Variants in PCDHGB2 observed in about 807,000 individuals in gnomAD.
The protein encoded by PCDHGB2 is protocadherin gamma subfamily B, 2.
PCDHGB2 carries 55 observed loss-of-function variants against 59.3 expected under a neutral mutation model. The ratio of observed to expected loss-of-function variants is 0.93; its 90% CI spans 0.75 to 1.16. PCDHGB2 has a LOEUF of 1.16. Ranked by LOEUF, PCDHGB2 falls within the 50% of genes most tolerant of loss-of-function variation. The probability of loss-of-function intolerance (pLI) is 0.00; values close to 1 mark genes in which losing one functional copy is unlikely to be tolerated. For synonymous variants in PCDHGB2, 516 were observed against 512.0 expected (o/e 1.01, Z -0.11); for missense variants, 1,228 against 1,198.5 (o/e 1.02, Z -0.36).
chr5:141,506,834 C>T (rs2099856597), intron 3 of PCDHGB2, among the ~76,000 whole-genome samples: 1 of 152,140 alleles, frequency 6.6e-6, no homozygotes, highest in Non-Finnish European at 1.5e-5. Flanking sequence ...ACTGATAGCC[C>T]TGCCCTCCAG....
chr5:141,421,736 G>A lies in PCDHGB2; in HGVS notation c.2421+59180G>A, dbSNP rs767237323. 5.3e-5 allele frequency: 86 copies of A among 1,613,810 alleles called. No individual in the cohort carries two copies. The highest frequency in any genetic ancestry group is 6.9e-5 in the Non-Finnish European group (82 of 1,179,858). Reference sequence around the variant, plus strand: ...GATGTGGGCGTGAACTCCCTCCAGAGCTACCAGCTCAGCCCTAATAATTAC... The same window carrying A: ...GATGTGGGCGTGAACTCCCTCCAGAACTACCAGCTCAGCCCTAATAATTAC... On this transcript the variant is annotated intron_variant, in intron 1 of 3. Transcript: ENST00000522605.
intron 1 of PCDHGB2, among the ~76,000 whole-genome samples, chr5:141,459,619 A>G (rs995987344): frequency 6.6e-6 from 1 of 152,238 alleles, no homozygotes; most frequent in Non-Finnish European, 1.5e-5. Context: ...TTAACTTTAT[A>G]AGAAGCTGCC....
At chr5:141,414,305 A>G (rs2095732833) in intron 1 of PCDHGB2, 2 of 1,613,604 alleles carry the variant, frequency 1.2e-6, no homozygotes, top group African/African-American at 2.7e-5. Flanking sequence ...AATGTGCATG[A>G]TTTAGACTCT....
chr5:141,422,158 G>GA (rs1401712595), intron 1 of PCDHGB2: 2 of 1,571,916 alleles, frequency 1.3e-6, no homozygotes, highest in Middle Eastern at 1.7e-4. Flanking sequence ...TCTGGATTTT[G>GA]AAAAATATAG....
At chr5:141,501,755 G>C (rs2099810889) in intron 2 of PCDHGB2, among the ~76,000 whole-genome samples, 1 of 152,116 alleles carries the variant, frequency 6.6e-6, no homozygotes, top group Non-Finnish European at 1.5e-5. Context: ...GAAGCTCTCA[G>C]TAAATGGTTA....
intron 1 of PCDHGB2, among the ~76,000 whole-genome samples, chr5:141,445,937 A>C (rs2098482193): frequency 6.6e-6 from 1 of 152,202 alleles, no homozygotes; most frequent in African/African-American, 2.4e-5. Flanking sequence ...TGAATTATTA[A>C]GCTTACTCTG....
intron 1 of PCDHGB2, among the ~76,000 whole-genome samples, chr5:141,429,712 C>T (rs998121271): frequency 1.3e-5 from 2 of 151,994 alleles, no homozygotes; most frequent in African/African-American, 2.4e-5. Flanking sequence ...TAAATATTTA[C>T]GCTCATGAAA....
At chr5:141,468,415 G>A (rs1040067190) in intron 1 of PCDHGB2, 5 of 151,704 alleles carry the variant, frequency 3.3e-5, no homozygotes, top group Non-Finnish European at 7.4e-5. Context: ...TAATAAGTTA[G>A]ATAGCAAGGT....
chr5:141,383,433 C>T, intron 1 of PCDHGB2: 1 of 1,613,986 alleles, frequency 6.2e-7, no homozygotes, highest in East Asian at 2.2e-5. Context: ...ATCGCCACTT[C>T]TCCCTGGCTG....
At chr5:141,421,355 G>A in intron 1 of PCDHGB2, 1 of 1,613,990 alleles carries the variant, frequency 6.2e-7, no homozygotes, top group East Asian at 2.2e-5. Flanking sequence ...ACCGAAAAGG[G>A]CTCCTTCGTG....
intron 1 of PCDHGB2, chr5:141,391,513 C>T (rs1485140932): frequency 6.6e-6 from 1 of 152,096 alleles, no homozygotes; most frequent in Non-Finnish European, 1.5e-5. Flanking sequence ...TATTTTCTTT[C>T]ACTAATTTAA....
chr5:141,392,713 G>A, intron 1 of PCDHGB2: 3 of 1,363,444 alleles, frequency 2.2e-6, no homozygotes, highest in Non-Finnish European at 2.9e-6. Context: ...AGGCACTCCA[G>A]GTTTCCGGAG....
At chr5:141,415,859 T>C in intron 1 of PCDHGB2, 1 of 1,187,664 alleles carries the variant, frequency 8.4e-7, no homozygotes, top group Non-Finnish European at 1.1e-6. Context: ...CCTTGTAGTT[T>C]ATAGTGTTGT....
chr5:141,408,469 A>G (rs1454570616), intron 1 of PCDHGB2: 2 of 1,614,078 alleles, frequency 1.2e-6, no homozygotes, highest in South Asian at 2.2e-5. Flanking sequence ...TGAAGAACCG[A>G]ATAGACCGTG....
intron 1 of PCDHGB2, among the ~76,000 whole-genome samples, chr5:141,462,829 G>T (rs770335372): frequency 4.6e-5 from 7 of 152,130 alleles, no homozygotes; most frequent in Non-Finnish European, 8.8e-5. Flanking sequence ...AGCAGACATT[G>T]TAAATGTTAT....
At chr5:141,510,695 C>T (rs1023505006) in intron 3 of PCDHGB2, among the ~76,000 whole-genome samples, 1 of 152,166 alleles carries the variant, frequency 6.6e-6, no homozygotes, top group Non-Finnish European at 1.5e-5. Context: ...GTTAGGTAGA[C>T]TTGCCCAGGA....
At position 141,413,874 on chromosome 5, in the gene PCDHGB2, T is replaced by G. The variant is rs1371905896; in HGVS notation, c.2421+51318T>G. ...TCCGATCTGGCACTGTCCTTGTCAG[T>G]GTGACTGTCTTCGATGCAAATGACA... is the stretch of plus-strand genomic sequence containing the variant. On this transcript the variant is annotated intron_variant, in intron 1 of 3. Coordinates refer to ENST00000522605, the MANE Select transcript of PCDHGB2 (RefSeq NM_018923.3). 6 of 1,613,306 alleles carry G rather than the reference T, an allele frequency of 3.7e-6. No homozygotes were observed. In the African/African-American group the frequency reaches 8.0e-5, roughly 22 times the overall value.
At chr5:141,392,627 G>C (rs4151699) in intron 1 of PCDHGB2, 43,187 of 584,208 alleles carry the variant, frequency 0.074, 2,003 homozygotes, top group Non-Finnish European at 0.093. Flanking sequence ...AAAACACTCA[G>C]ATCTCACACC....
rs760676891 is a variant in PCDHGB2, at chr5:141,413,180, CCGCTCAAAGGAAT to C, written c.2421+50639_2421+50651del. The C allele has an allele frequency of 6.9e-5, 111 of 1,602,612 alleles. No individual in the cohort carries two copies. The East Asian group carries it at 9.6e-4, about 14-fold the overall frequency. ...GAATTCTGTAACCAGACTACAATGG[CCGCTCAAAGGAAT>C]CGCTCAAAGGAATCAAAGGATTGCA... On this transcript the variant is annotated intron_variant, in intron 1 of 3. Transcript: ENST00000522605.
Sources: gnomAD v4.1 joint callset for allele counts (sites outside exome capture counted in the v4.1 genomes callset) on GRCh38, gnomAD v4.1.1 for gene constraint, MANE v1.5 for transcripts, NCBI Gene and HGNC (gene_info 2026-07-23, HGNC 2026-07-21) for gene names.